Variants in LRRK1 observed in about 807,000 individuals in gnomAD.
LRRK1 encodes leucine rich repeat kinase 1.
In LRRK1, 113 loss-of-function variants were observed where a neutral mutation model predicts 209.1. That is an observed-to-expected ratio of 0.54 (90% CI 0.46 to 0.63). LRRK1 has a LOEUF of 0.63. Among genes scored for constraint, LRRK1 ranks in the 30% least tolerant of loss-of-function variants. LRRK1 has a pLI of 0.00. For synonymous variants in LRRK1, 1,144 were observed against 1,099.7 expected, an observed-to-expected ratio of 1.04 and a Z score of -0.80; for missense variants, 2,284 against 2,632.2, an observed-to-expected ratio of 0.87 and a Z score of 2.89.
rs564279288 is a variant in LRRK1, at chr15:101,047,501, G to C, written c.3136-993G>C. Among the ~76,000 whole-genome samples the C allele has an allele frequency of 7.2e-5, 11 of 152,384 alleles. No individual in the cohort carries two copies. The South Asian group carries it at 2.1e-3, about 29-fold the overall frequency. On this transcript the variant is annotated intron_variant, in intron 21 of 33. Coordinates refer to ENST00000388948, the MANE Select transcript of LRRK1 (RefSeq NM_024652.6). The stretch of plus-strand genomic sequence containing the variant: ...GGGGCCCAGCTGGGCCTGGAGGCCA[G>C]GGCGCCCTTCCGGGCAGCAGCTTCC...
At chr15:100,991,672 G>C (rs2032162375) in intron 6 of LRRK1, among the ~76,000 whole-genome samples, 1 of 152,034 alleles carries the variant, frequency 6.6e-6, no homozygotes, top group Admixed American at 6.5e-5. Flanking sequence ...TTCAAAACAA[G>C]TTTATCTCTT....
intron 8 of LRRK1, 30 bp from the exon 9 acceptor site, chr15:101,010,644 C>T (rs1207677567): frequency 6.5e-7 from 1 of 1,540,608 alleles, no homozygotes; most frequent in Admixed American, 2.1e-5. Context: ...TTTACCAATT[C>T]ATACTTTGGG....
intron 2 of LRRK1, among the ~76,000 whole-genome samples, chr15:100,939,987 A>G (rs902439729): frequency 1.3e-5 from 2 of 152,032 alleles, no homozygotes; most frequent in Admixed American, 6.6e-5. Context: ...AGGTTCCTCT[A>G]TCTTTTGGCA....
intron 3 of LRRK1, among the ~76,000 whole-genome samples, chr15:100,974,409 T>C (rs1596223338): frequency 6.6e-6 from 1 of 150,402 alleles, no homozygotes; most frequent in African/African-American, 2.5e-5. Context: ...TGTATTTTCT[T>C]CCAGCCTGCC....
intron 23 of LRRK1, among the ~76,000 whole-genome samples, chr15:101,050,523 C>G (rs2035360444): frequency 6.6e-6 from 1 of 151,664 alleles, no homozygotes; most frequent in Admixed American, 6.6e-5. Context: ...TGCCCGAGAG[C>G]CTCAGCCCCT....
At chr15:100,979,817 A>C (rs189592091) in intron 3 of LRRK1, among the ~76,000 whole-genome samples, 53 of 152,382 alleles carry the variant, frequency 3.5e-4, no homozygotes, top group Non-Finnish European at 5.6e-4. Flanking sequence ...GCAAATAAGC[A>C]CATGAAAAGA....
chr15:100,972,335 T>TATGAGAGAGA (rs754464630), intron 2 of LRRK1, among the ~76,000 whole-genome samples: 6 of 106,204 alleles, frequency 5.6e-5, no homozygotes, highest in Admixed American at 2.3e-4. Context: ...TATATATATA[T>TATGAGAGAGA]GAGAGAGAGA....
chr15:100,931,250 C>T (rs1188107819), intron 2 of LRRK1, among the ~76,000 whole-genome samples: 2 of 152,146 alleles, frequency 1.3e-5, no homozygotes, highest in Non-Finnish European at 2.9e-5. Context: ...TTGTGCCTGG[C>T]GACATCCTCT....
chr15:101,035,881 T>C (rs2034476065), intron 20 of LRRK1, among the ~76,000 whole-genome samples: 1 of 152,206 alleles, frequency 6.6e-6, no homozygotes, highest in African/African-American at 2.4e-5. Flanking sequence ...ACTTTTCTTT[T>C]TGCTTCCAGG....
intron 3 of LRRK1, among the ~76,000 whole-genome samples, chr15:100,978,463 A>G (rs149556289): frequency 1.3e-3 from 205 of 152,372 alleles, no homozygotes; most frequent in Middle Eastern, 0.01. Context: ...TATTAAAACT[A>G]AAGACAAAAC....
intron 31 of LRRK1, among the ~76,000 whole-genome samples, chr15:101,063,677 G>A (rs2036331935): frequency 1.5e-5 from 2 of 129,618 alleles, no homozygotes; most frequent in African/African-American, 2.6e-5. Flanking sequence ...CTACAAAACA[G>A]GTATAAGAAG....
chr15:100,959,949 A>T (rs554789319), intron 2 of LRRK1, among the ~76,000 whole-genome samples: 1 of 152,152 alleles, frequency 6.6e-6, no homozygotes, highest in South Asian at 2.1e-4. Flanking sequence ...AGATTGAGAC[A>T]TTTTCTTCCT....
chr15:100,962,824 T>TATATATACA (rs1555461505), intron 2 of LRRK1, among the ~76,000 whole-genome samples: 1 of 8,444 alleles, frequency 1.2e-4, no homozygotes, highest in African/African-American at 3.4e-4. Context: ...TATATATATA[T>TATATATACA]TTTTTTTTTT....
chr15:101,068,886 G>T lies in LRRK1; in HGVS notation c.*38G>T. On this transcript the variant is annotated 3_prime_UTR_variant, in exon 34 of 34. Transcript: ENST00000388948. ...GACTGTCACACATCAGAGCTGGCTG[G>T]CCCGGGGCTGCAGCCTGACCCCTCT... 1.9e-6 allele frequency: 3 copies of T among 1,538,870 alleles called. 1 individual carries two copies. The South Asian group carries it at 3.7e-5, about 19-fold the overall frequency.
At chr15:100,941,462 C>CTGTGTGTGTGTG (rs1293984855) in intron 2 of LRRK1, among the ~76,000 whole-genome samples, 6 of 16,424 alleles carry the variant, frequency 3.7e-4, no homozygotes, top group Admixed American at 7.4e-4. Flanking sequence ...GTGTCTATGT[C>CTGTGTGTGTGTG]TCTGTGTGTG....
chr15:100,928,825 G>C (rs545613332), intron 2 of LRRK1, among the ~76,000 whole-genome samples: 3 of 152,290 alleles, frequency 2.0e-5, no homozygotes, highest in African/African-American at 7.2e-5. Flanking sequence ...TTGCCCAGCT[G>C]GTGTGAGGCT....
At chr15:101,041,124 C>T (rs576191410) in intron 20 of LRRK1, among the ~76,000 whole-genome samples, 1 of 152,254 alleles carries the variant, frequency 6.6e-6, no homozygotes, top group South Asian at 2.1e-4. Flanking sequence ...TGAAGTGACC[C>T]TTTTTTCATT....
intron 20 of LRRK1, among the ~76,000 whole-genome samples, chr15:101,045,637 T>A (rs2035028832): frequency 6.6e-6 from 1 of 152,228 alleles, no homozygotes; most frequent in African/African-American, 2.4e-5. Flanking sequence ...TTTCCCCAAC[T>A]GCAACCCCGT....
rs1473214425 is a variant in LRRK1, at chr15:101,018,207, T to C, written c.1609+2805T>C. Reference sequence around the variant, plus strand: ...AAAAAAAAAAAAAAAGACAACACAATAGGCAAAAAAAATGGGCAAGGGATA... The same window carrying C: ...AAAAAAAAAAAAAAAGACAACACAACAGGCAAAAAAAATGGGCAAGGGATA... On this transcript the variant is annotated intron_variant, in intron 12 of 33. Transcript: ENST00000388948. 2.3e-5 allele frequency among the ~76,000 whole-genome samples: 3 copies of C among 128,016 alleles called. No individual in the cohort carries two copies. In the South Asian group the frequency reaches 7.1e-4, roughly 30 times the overall value. 84.0% of individuals were successfully genotyped at this position (128,016 alleles called of 152,430 possible).
Sources: gnomAD v4.1 joint callset for allele counts (sites outside exome capture counted in the v4.1 genomes callset) on GRCh38, gnomAD v4.1.1 for gene constraint, MANE v1.5 for transcripts, NCBI Gene and HGNC (gene_info 2026-07-23, HGNC 2026-07-21) for gene names.